Variants in ASTN2 observed in about 807,000 individuals in gnomAD.
ASTN2 encodes astrotactin-2.
Under a neutral mutation model 139.8 loss-of-function variants are expected in ASTN2, and 54 were observed. The ratio of observed to expected loss-of-function variants is 0.39; its 90% CI spans 0.31 to 0.48. ASTN2 has a LOEUF of 0.48. Ranked by LOEUF, ASTN2 falls within the 20% of genes least tolerant of loss-of-function variation. The pLI, the probability that ASTN2 is intolerant of heterozygous loss-of-function variation, is 0.95. For synonymous variants in ASTN2, 756 were observed against 719.5 expected (o/e 1.05, Z -0.81); for missense variants, 1,565 against 1,725.1 (o/e 0.91, Z 1.64).
At chr9:117,298,999 A>G (rs1292660040) in intron 1 of ASTN2, among the ~76,000 whole-genome samples, 2 of 152,104 alleles carry the variant, frequency 1.3e-5, no homozygotes, top group Non-Finnish European at 2.9e-5. Flanking sequence ...AAATTTACCT[A>G]ACATCCTGGA....
intron 17 of ASTN2, among the ~76,000 whole-genome samples, chr9:116,644,829 G>C (rs1857509722): frequency 6.6e-6 from 1 of 152,122 alleles, no homozygotes; most frequent in African/African-American, 2.4e-5. Flanking sequence ...AACCTCAAAA[G>C]ATTTGCTTTA....
chr9:116,972,706 T>G (rs1836244355), intron 10 of ASTN2, among the ~76,000 whole-genome samples: 1 of 152,208 alleles, frequency 6.6e-6, no homozygotes, highest in East Asian at 1.9e-4. Context: ...GCCTGTACAT[T>G]TAACTACTAA....
At chr9:116,598,249 G>A (rs1854688579) in intron 19 of ASTN2, among the ~76,000 whole-genome samples, 1 of 152,176 alleles carries the variant, frequency 6.6e-6, no homozygotes, top group African/African-American at 2.4e-5. Context: ...GGAAGTTTAT[G>A]AAGTCTGAGA....
chr9:117,353,695 A>G (rs1829454234), intron 1 of ASTN2, among the ~76,000 whole-genome samples: 1 of 152,154 alleles, frequency 6.6e-6, no homozygotes, highest in Admixed American at 6.5e-5. Flanking sequence ...CCTCCAATCC[A>G]TCCATTACAT....
At chr9:117,066,688 C>T (rs1827957270) in intron 5 of ASTN2, among the ~76,000 whole-genome samples, 2 of 152,086 alleles carry the variant, frequency 1.3e-5, no homozygotes, top group African/African-American at 4.8e-5. Context: ...CTGTTGTTTC[C>T]TGACTTTTTA....
At chr9:116,595,041 T>C (rs577722293) in intron 19 of ASTN2, among the ~76,000 whole-genome samples, 1 of 152,308 alleles carries the variant, frequency 6.6e-6, no homozygotes, top group Admixed American at 6.5e-5. Context: ...AATTTCTGAG[T>C]GAGAAAGAAT....
chr9:116,724,990 G>A (rs927068179), intron 16 of ASTN2, among the ~76,000 whole-genome samples: 1 of 152,154 alleles, frequency 6.6e-6, no homozygotes, highest in African/African-American at 2.4e-5. Context: ...TGTGTAAAAT[G>A]GGAGTATGAA....
At chr9:116,919,961 T>A (rs1415401604) in intron 10 of ASTN2, among the ~76,000 whole-genome samples, 1 of 151,612 alleles carries the variant, frequency 6.6e-6, no homozygotes, top group Non-Finnish European at 1.5e-5. Flanking sequence ...AAAAAAGTAA[T>A]TTTTTAATAT....
chr9:116,644,443 C>T (rs1348146879), intron 17 of ASTN2, among the ~76,000 whole-genome samples: 1 of 152,160 alleles, frequency 6.6e-6, no homozygotes, highest in Non-Finnish European at 1.5e-5. Flanking sequence ...CTTAATTTTT[C>T]TACAGACAGC....
intron 19 of ASTN2, among the ~76,000 whole-genome samples, chr9:116,563,412 T>A (rs920137608): frequency 2.1e-5 from 3 of 145,442 alleles, no homozygotes; most frequent in Non-Finnish European, 3.0e-5. Flanking sequence ...AAAATAAAAA[T>A]AAAAAAATTA....
chr9:116,790,960 AAAGAAGGAAAGAAAG>A (rs1564268765), intron 13 of ASTN2, among the ~76,000 whole-genome samples: 21 of 128,594 alleles, frequency 1.6e-4, no homozygotes, highest in African/African-American at 2.8e-4. Context: ...GAAAGAAAAG[AAAGAAGGAAAGAAAG>A]AAAGAAAGAA....
intron 10 of ASTN2, among the ~76,000 whole-genome samples, chr9:116,880,972 C>T (rs545916425): frequency 2.0e-5 from 3 of 152,232 alleles, no homozygotes; most frequent in Admixed American, 6.5e-5. Flanking sequence ...CAAAATGAAG[C>T]GATGACTTTT....
chr9:117,359,528 G>A (rs530969787), intron 1 of ASTN2, among the ~76,000 whole-genome samples: 1 of 152,306 alleles, frequency 6.6e-6, no homozygotes, highest in South Asian at 2.1e-4. Context: ...TACGCATGTA[G>A]GTCCCAGCAG....
chr9:117,371,256 T>C (rs945407145), intron 1 of ASTN2, among the ~76,000 whole-genome samples: 9 of 152,244 alleles, frequency 5.9e-5, no homozygotes, highest in South Asian at 2.1e-4. Context: ...CAAGACTAAA[T>C]CCAGTTGGAC....
chr9:117,075,062 A>G (rs1289057983), intron 5 of ASTN2, among the ~76,000 whole-genome samples: 2 of 152,232 alleles, frequency 1.3e-5, no homozygotes, highest in Non-Finnish European at 2.9e-5. Flanking sequence ...CACCAAAGGT[A>G]TCTAAGGGAA....
intron 3 of ASTN2, among the ~76,000 whole-genome samples, chr9:117,185,151 G>A (rs777405348): frequency 2.0e-5 from 3 of 152,092 alleles, no homozygotes; most frequent in Non-Finnish European, 4.4e-5. Flanking sequence ...AGACTAGTGT[G>A]TCTATAAACA....
chr9:117,354,451 G>A (rs182143397), intron 1 of ASTN2, among the ~76,000 whole-genome samples: 70 of 152,200 alleles, frequency 4.6e-4, no homozygotes, highest in African/African-American at 1.6e-3. Context: ...TACCAGAACT[G>A]CCTCTAGAGC....
At position 116,606,861 on chromosome 9, in the gene ASTN2, A is replaced by T. The variant is rs1421217865; in HGVS notation, c.3355+11463T>A. 5.3e-5 allele frequency among the ~76,000 whole-genome samples: 8 copies of T among 152,284 alleles called. No homozygotes were observed. The South Asian group carries it at 1.7e-3, about 32-fold the overall frequency. On this transcript the variant is annotated intron_variant, in intron 19 of 22. Coordinates refer to ENST00000313400, the MANE Select transcript of ASTN2 (RefSeq NM_001365068.1). ...TAGAAAAGATGTTGACTACCCCTAG[A>T]TCTCTCTCACTGAGAAGTGGTGAAA...
In ASTN2 at chr9:116,891,848, T is replaced by C. The variant is rs113042253; in HGVS notation, c.1890-28115A>G. Among the ~76,000 whole-genome samples, 926 of 152,330 alleles carry C rather than the reference T, an allele frequency of 6.1e-3. 6 individuals are homozygous for C. Among genetic ancestry groups the C allele is most frequent in the Non-Finnish European group, 8.3e-3 (564 of 68,034 alleles). ...AGGAATAACAATACCATCATCCTTA[T>C]GGGATTGTTGTGAGGATGAAATGAA... On this transcript the variant is annotated intron_variant, in intron 10 of 22. Transcript: ENST00000313400.
Sources: gnomAD v4.1 joint callset for allele counts (sites outside exome capture counted in the v4.1 genomes callset) on GRCh38, gnomAD v4.1.1 for gene constraint, MANE v1.5 for transcripts, NCBI Gene and HGNC (gene_info 2026-07-23, HGNC 2026-07-21) for gene names.